Variants in FAHD1 observed in about 807,000 individuals in gnomAD.
The protein encoded by FAHD1 is oxaloacetate tautomerase FAHD1, mitochondrial.
In FAHD1, 14 loss-of-function variants were observed where a neutral mutation model predicts 12.7. That is an observed-to-expected ratio of 1.10 (90% CI 0.73 to 1.72). FAHD1 has a LOEUF of 1.72. Ranked by LOEUF, FAHD1 falls within the 40% of genes most tolerant of loss-of-function variation. FAHD1 has a pLI of 0.00. For synonymous variants in FAHD1, 153 were observed against 124.9 expected (o/e 1.22, Z -1.50); for missense variants, 351 against 298.9 (o/e 1.17, Z -1.29).
downstream of FAHD1, among the ~76,000 whole-genome samples, chr16:1,833,326 A>G (rs533074764): frequency 7.2e-5 from 11 of 152,208 alleles, no homozygotes; most frequent in Non-Finnish European, 1.2e-4. Flanking sequence ...ATTCAGACTC[A>G]GTCATGTCAG....
downstream of FAHD1, among the ~76,000 whole-genome samples, chr16:1,831,280 C>T (rs987478615): frequency 6.6e-6 from 1 of 152,146 alleles, no homozygotes; most frequent in African/African-American, 2.4e-5. Flanking sequence ...GAAGCACAGC[C>T]TAAGATGGGG....
At chr16:1,834,059 G>A (rs984399887) in intron 1 of FAHD1, 11 of 472,520 alleles carry the variant, frequency 2.3e-5, no homozygotes, top group Middle Eastern at 1.1e-3. Context: ...AAGACAGTAG[G>A]AGGCCTTCTA....
downstream of FAHD1, among the ~76,000 whole-genome samples, chr16:1,830,911 T>TA (rs1898608033): frequency 7.4e-5 from 4 of 54,064 alleles, no homozygotes; most frequent in Admixed American, 2.3e-4. Flanking sequence ...CACCTCTCTC[T>TA]CTCTATACAC....
At chr16:1,837,679 G>T in intron 1 of FAHD1, 3 of 597,224 alleles carry the variant, frequency 5.0e-6, no homozygotes, top group Non-Finnish European at 8.6e-6. Flanking sequence ...TGGGAACTGG[G>T]CATTAGAAAT....
intron 2 of FAHD1, among the ~76,000 whole-genome samples, chr16:1,838,979 A>G (rs56057739): frequency 0.18 from 26,997 of 152,144 alleles, 2,529 homozygotes; most frequent in South Asian, 0.27. Flanking sequence ...GGCGTGAGCC[A>G]CGGTGCCCAG....
chr16:1,831,920 G>A (rs531081341), downstream of FAHD1, among the ~76,000 whole-genome samples: 1 of 152,138 alleles, frequency 6.6e-6, no homozygotes, highest in South Asian at 2.1e-4. Context: ...CCGGCAATCC[G>A]TGGAAAAACT....
In FAHD1 at chr16:1,836,460, G is replaced by A. The variant is rs9652785; in HGVS notation, c.628-1556G>A. On this transcript the variant is annotated intron_variant, in intron 1 of 2. Transcript: ENST00000382666. ...GTCTGGAGGGAAAGTATACAGGGTC[G>A]GTCAAGGACCTAAGCATGCCCTGAC... Among the ~76,000 whole-genome samples the A allele has an allele frequency of 3.6e-3, 543 of 152,246 alleles. 3 individuals carry two copies. The highest frequency in any genetic ancestry group is 0.012 in the African/African-American group (511 of 41,552).
chr16:1,832,559 G>A (rs545009160), downstream of FAHD1, among the ~76,000 whole-genome samples: 37 of 152,022 alleles, frequency 2.4e-4, no homozygotes, highest in South Asian at 6.4e-3. Context: ...GCCGAGGTGG[G>A]TGGATCACTT....
At chr16:1,827,507 A>G (rs771241120) in exon 1 of FAHD1, 1 of 1,613,018 alleles carries the variant, frequency 6.2e-7, no homozygotes, top group South Asian at 1.1e-5. Flanking sequence ...GCCATGGACT[A>G]CGTGGGCGGC....
downstream of FAHD1, among the ~76,000 whole-genome samples, chr16:1,833,325 C>CA (rs1898656334): frequency 6.6e-6 from 1 of 152,126 alleles, no homozygotes. Context: ...GATTCAGACT[C>CA]AGTCATGTCA....
chr16:1,829,868 C>CTTTT (rs140341882), downstream of FAHD1, among the ~76,000 whole-genome samples: 57 of 149,816 alleles, frequency 3.8e-4, no homozygotes, highest in South Asian at 8.4e-4. Context: ...TTCTTTCTTT[C>CTTTT]TTTTTTCTTT....
At chr16:1,838,551 G>C (rs2142075663) in intron 2 of FAHD1, among the ~76,000 whole-genome samples, 1 of 152,268 alleles carries the variant, frequency 6.6e-6, no homozygotes, top group Non-Finnish European at 1.5e-5. Flanking sequence ...AAAACGTGTA[G>C]CTGACTTTAT....
downstream of FAHD1, among the ~76,000 whole-genome samples, chr16:1,830,944 A>ACACACAAC: frequency 6.8e-6 from 1 of 147,308 alleles, no homozygotes; most frequent in East Asian, 2.0e-4. Context: ...ACACACACAC[A>ACACACAAC]CCCATATTTT....
chr16:1,839,218 G>C, intron 2 of FAHD1: 1 of 1,515,142 alleles, frequency 6.6e-7, no homozygotes, highest in Non-Finnish European at 8.9e-7. Flanking sequence ...ATTCACTTTG[G>C]AAATATTCTA....
chr16:1,837,221 C>T (rs1470077149), intron 1 of FAHD1, among the ~76,000 whole-genome samples: 2 of 152,126 alleles, frequency 1.3e-5, no homozygotes, highest in African/African-American at 4.8e-5. Context: ...TCTGCAGGGT[C>T]TCACAGGCTG....
chr16:1,837,132 G>A, intron 1 of FAHD1, among the ~76,000 whole-genome samples: 1 of 152,136 alleles, frequency 6.6e-6, no homozygotes, highest in Non-Finnish European at 1.5e-5. Context: ...CTCCAACACT[G>A]AAGTGCCTCA....
intron 1 of FAHD1, among the ~76,000 whole-genome samples, chr16:1,837,281 C>G (rs75948718): frequency 6.6e-6 from 1 of 151,772 alleles, no homozygotes; most frequent in African/African-American, 2.4e-5. Context: ...CCGCAACAAC[C>G]CAAGCACTTA....
exon 1 of FAHD1, chr16:1,827,410 A>C (rs745399106): frequency 6.2e-7 from 1 of 1,610,516 alleles, no homozygotes; most frequent in Non-Finnish European, 8.5e-7. Flanking sequence ...GCCCATCCTC[A>C]TGCCCGCGTA....
exon 3 of FAHD1, chr16:1,839,456 CAATGAT>C (rs1412058688): frequency 6.3e-7 from 1 of 1,593,610 alleles, no homozygotes; most frequent in African/African-American, 1.4e-5. Context: ...GAAACAAAGA[CAATGAT>C]AAAATGTGAT....
Sources: gnomAD v4.1 joint callset for allele counts (sites outside exome capture counted in the v4.1 genomes callset) on GRCh38, gnomAD v4.1.1 for gene constraint, MANE v1.5 for transcripts, NCBI Gene and HGNC (gene_info 2026-07-23, HGNC 2026-07-21) for gene names.